SNTG1: variants seen among roughly 807,000 people sequenced by gnomAD.
The protein encoded by SNTG1 is gamma-1-syntrophin.
Under a neutral mutation model 74.7 loss-of-function variants are expected in SNTG1, and 39 were observed. The observed-to-expected ratio is 0.52, with a 90% CI of 0.40 to 0.68. The LOEUF is 0.68. SNTG1 is among the 30% of genes least tolerant of loss of function. The pLI, the probability that SNTG1 is intolerant of heterozygous loss-of-function variation, is 0.00. For synonymous variants in SNTG1, 254 were observed against 217.1 expected (o/e 1.17, Z -1.49); for missense variants, 685 against 609.5 (o/e 1.12, Z -1.30).
intron 1 of SNTG1, among the ~76,000 whole-genome samples, chr8:50,073,639 G>C (rs1821571444): frequency 6.6e-6 from 1 of 151,920 alleles, no homozygotes; most frequent in Non-Finnish European, 1.5e-5. Flanking sequence ...ATTGTATTTT[G>C]GAAATTATAA....
chr8:50,461,118 G>T (rs146251335), intron 8 of SNTG1, among the ~76,000 whole-genome samples: 2 of 150,598 alleles, frequency 1.3e-5, no homozygotes, highest in Admixed American at 6.6e-5. Flanking sequence ...GTACTGGCCA[G>T]GTTGTTTTGT....
chr8:50,670,598 A>T (rs13281582), intron 15 of SNTG1, among the ~76,000 whole-genome samples: 3 of 136,362 alleles, frequency 2.2e-5, no homozygotes, highest in Admixed American at 1.5e-4. Context: ...AATCAATATC[A>T]TGAAAATGGC....
intron 15 of SNTG1, among the ~76,000 whole-genome samples, chr8:50,669,714 A>C (rs201847653): frequency 3.3e-5 from 5 of 152,002 alleles, no homozygotes; most frequent in East Asian, 1.9e-4. Context: ...ATCCTGATAC[A>C]AAAGCCTGGC....
At chr8:50,560,576 G>A (rs1357311770) in intron 12 of SNTG1, among the ~76,000 whole-genome samples, 1 of 152,194 alleles carries the variant, frequency 6.6e-6, no homozygotes, top group Non-Finnish European at 1.5e-5. Context: ...CAGGGACATG[G>A]ATGGAGCTGG....
At chr8:50,777,627 T>A (rs1363594076) in intron 18 of SNTG1, among the ~76,000 whole-genome samples, 1 of 146,268 alleles carries the variant, frequency 6.8e-6, no homozygotes, top group Non-Finnish European at 1.5e-5. Flanking sequence ...ATCTCACTGT[T>A]GGCATCTTTT....
intron 1 of SNTG1, among the ~76,000 whole-genome samples, chr8:50,037,118 C>T (rs1227018938): frequency 6.6e-6 from 1 of 152,218 alleles, no homozygotes; most frequent in Non-Finnish European, 1.5e-5. Context: ...AACTGGCTTG[C>T]ACAGTCAGTG....
intron 2 of SNTG1, among the ~76,000 whole-genome samples, chr8:50,268,324 T>C (rs1470517499): frequency 6.6e-6 from 1 of 152,190 alleles, no homozygotes; most frequent in Non-Finnish European, 1.5e-5. Context: ...TTCAGCACAG[T>C]AAAGGTGCCA....
chr8:50,121,458 T>G (rs7839718), intron 1 of SNTG1, among the ~76,000 whole-genome samples: 36,742 of 140,916 alleles, frequency 0.26, 12,161 homozygotes, highest in African/African-American at 0.68. Context: ...TGTACAAAAA[T>G]AAAAATAATG....
intron 1 of SNTG1, among the ~76,000 whole-genome samples, chr8:50,156,187 T>C (rs2082249099): frequency 6.6e-6 from 1 of 152,140 alleles, no homozygotes; most frequent in African/African-American, 2.4e-5. Flanking sequence ...ATTAGTCAAC[T>C]CTACTAAAAC....
At chr8:49,968,722 A>C (rs1415445523) in intron 1 of SNTG1, among the ~76,000 whole-genome samples, 1 of 152,106 alleles carries the variant, frequency 6.6e-6, no homozygotes, top group Middle Eastern at 3.2e-3. Flanking sequence ...AATAATGAAG[A>C]CTTCTCCATG....
chr8:50,149,631 C>G (rs1323968668), intron 1 of SNTG1, among the ~76,000 whole-genome samples: 4 of 152,156 alleles, frequency 2.6e-5, no homozygotes, highest in African/African-American at 9.7e-5. Flanking sequence ...TTTCCCAGCA[C>G]CATTTGTTAA....
intron 1 of SNTG1, among the ~76,000 whole-genome samples, chr8:50,001,467 T>C (rs1035903126): frequency 2.0e-5 from 3 of 152,108 alleles, no homozygotes; most frequent in Non-Finnish European, 2.9e-5. Context: ...TGAGGCCTTG[T>C]CAAAAGAGGG....
intron 8 of SNTG1, among the ~76,000 whole-genome samples, chr8:50,455,785 G>A (rs975815368): frequency 2.0e-5 from 3 of 152,146 alleles, no homozygotes; most frequent in African/African-American, 2.4e-5. Flanking sequence ...CATGTGAGTT[G>A]AGCACAAAGA....
chr8:50,554,302 CA>C (rs1301060714), intron 12 of SNTG1, among the ~76,000 whole-genome samples: 1 of 151,988 alleles, frequency 6.6e-6, no homozygotes, highest in South Asian at 2.1e-4. Context: ...TGTGCATGGT[CA>C]ATTTTACCAG....
intron 13 of SNTG1, among the ~76,000 whole-genome samples, chr8:50,600,259 T>C (rs1462198003): frequency 6.6e-6 from 1 of 152,180 alleles, no homozygotes; most frequent in Non-Finnish European, 1.5e-5. Context: ...CCTGTAATTT[T>C]TTTTTTCAGA....
chr8:49,990,647 A>G (rs970743129), intron 1 of SNTG1, among the ~76,000 whole-genome samples: 3 of 152,148 alleles, frequency 2.0e-5, no homozygotes, highest in African/African-American at 7.2e-5. Context: ...GATTCCATAA[A>G]TAAACACCTA....
At chr8:50,499,944 G>T (rs1344657864) in intron 8 of SNTG1, among the ~76,000 whole-genome samples, 4 of 151,962 alleles carry the variant, frequency 2.6e-5, no homozygotes, top group Admixed American at 6.6e-5. Flanking sequence ...GTTTACATAA[G>T]TCCTTTATCT....
intron 11 of SNTG1, among the ~76,000 whole-genome samples, chr8:50,545,491 A>AAT (rs60704745): frequency 0.098 from 14,426 of 146,942 alleles, 882 homozygotes; most frequent in Middle Eastern, 0.26. Context: ...ATGTTATATA[A>AAT]ATATATATAT....
At chr8:50,395,877 A>G (rs1185912866) in intron 3 of SNTG1, among the ~76,000 whole-genome samples, 2 of 152,070 alleles carry the variant, frequency 1.3e-5, no homozygotes, top group African/African-American at 2.4e-5. Flanking sequence ...TTAATGTGCA[A>G]CCTTATGTCT....
Sources: gnomAD v4.1 joint callset for allele counts (sites outside exome capture counted in the v4.1 genomes callset) on GRCh38, gnomAD v4.1.1 for gene constraint, MANE v1.5 for transcripts, NCBI Gene and HGNC (gene_info 2026-07-23, HGNC 2026-07-21) for gene names.